Variants in ANKRD10 observed in about 807,000 individuals in gnomAD.
The protein encoded by ANKRD10 is ankyrin repeat domain-containing protein 10.
ANKRD10 carries 14 observed loss-of-function variants against 27.0 expected under a neutral mutation model. The observed-to-expected ratio is 0.52, with a 90% confidence interval of 0.34 to 0.81. The LOEUF is 0.81. ANKRD10 is among the 40% of genes least tolerant of loss of function. ANKRD10 has a pLI of 0.01. For missense variants in ANKRD10, 493 were observed against 544.0 expected (o/e 0.91, Z 0.93); for synonymous variants, 250 against 224.5 (o/e 1.11, Z -1.01).
intron 2 of ANKRD10, among the ~76,000 whole-genome samples, chr13:110,909,054 GCCTCACTC>G (rs2065619018): frequency 6.6e-6 from 1 of 152,140 alleles, no homozygotes; most frequent in African/African-American, 2.4e-5. Context: ...CACACTTTCT[GCCTCACTC>G]CCTTTATCTA....
intron 4 of ANKRD10, among the ~76,000 whole-genome samples, chr13:110,889,297 T>A (rs975851835): frequency 2.6e-5 from 4 of 150,946 alleles, no homozygotes; most frequent in African/African-American, 4.9e-5. Flanking sequence ...AGACTGATAC[T>A]TCCTTGCACC....
intron 4 of ANKRD10, among the ~76,000 whole-genome samples, chr13:110,892,416 CAAAAAAA>C (rs71127979): frequency 5.1e-5 from 1 of 19,550 alleles, no homozygotes; most frequent in South Asian, 3.7e-3. Context: ...GGTGACAGAG[CAAAAAAA>C]AAAAAAAAAA....
chr13:110,891,539 A>C (rs974963333), intron 4 of ANKRD10, among the ~76,000 whole-genome samples: 1 of 152,254 alleles, frequency 6.6e-6, no homozygotes, highest in African/African-American at 2.4e-5. Flanking sequence ...GACAAGATAT[A>C]GTTGTGAAGT....
chr13:110,913,996 G>T (rs1594654950), intron 1 of ANKRD10, among the ~76,000 whole-genome samples: 2 of 152,198 alleles, frequency 1.3e-5, no homozygotes, highest in Admixed American at 6.5e-5. Context: ...CACGGGAAGA[G>T]AATTCTGCTT....
At chr13:110,887,145 G>C (rs372267881) in intron 4 of ANKRD10, among the ~76,000 whole-genome samples, 80 of 152,330 alleles carry the variant, frequency 5.3e-4, no homozygotes, top group Admixed American at 1.5e-3. Context: ...GGGACACACA[G>C]AGATGCTCCA....
At chr13:110,884,197 A>T (rs1594535568) in intron 4 of ANKRD10, among the ~76,000 whole-genome samples, 1 of 147,126 alleles carries the variant, frequency 6.8e-6, no homozygotes, top group Admixed American at 6.9e-5. Flanking sequence ...TTTTTAAAAA[A>T]ATCCACTATT....
intron 2 of ANKRD10, among the ~76,000 whole-genome samples, chr13:110,906,582 G>A (rs950188821): frequency 6.6e-6 from 1 of 152,138 alleles, no homozygotes; most frequent in African/African-American, 2.4e-5. Flanking sequence ...GCTAACCCGA[G>A]TCAACATCAT....
chr13:110,879,836 C>T lies in ANKRD10; in HGVS notation c.1064G>A (p.Ser355Asn). ...CGSLHLNGSP[S>N]SCIASRPSWV... ...GGAAGGCCTACTGGCTATGCAGCTA[C>T]TTGGACTCCCGTTCAGGTGCAGAGA... The change falls in exon 6 of 6, where the codon AGT becomes AAT. Residue 355 changes from serine to asparagine, a missense_variant. By Grantham distance (46) the Ser-to-Asn change is conservative. Transcript: ENST00000267339. 2 of 1,614,236 alleles carry T rather than the reference C, an allele frequency of 1.2e-6. No individual in the cohort carries two copies. Among genetic ancestry groups the T allele is most frequent in the Non-Finnish European group, 1.7e-6 (2 of 1,180,050 alleles).
At chr13:110,894,070 A>G (rs755447716) in intron 3 of ANKRD10, 2 of 1,412,686 alleles carry the variant, frequency 1.4e-6, no homozygotes, top group Admixed American at 3.4e-5. Context: ...AGAGTAAGTG[A>G]AAGAGCTGAA....
chr13:110,881,080 C>A (rs556618053), intron 5 of ANKRD10, among the ~76,000 whole-genome samples: 1 of 152,292 alleles, frequency 6.6e-6, no homozygotes, highest in South Asian at 2.1e-4. Flanking sequence ...ACAAGTTATT[C>A]TTCTGTATAC....
Position 110,879,447 on chromosome 13 carries a change from T to C in ANKRD10, c.*190A>G, listed in dbSNP as rs552603654. 11 of 593,636 alleles carry C rather than the reference T, an allele frequency of 1.9e-5. No homozygotes were observed. Among genetic ancestry groups the C allele is most frequent in the African/African-American group, 1.3e-4 (7 of 53,976 alleles). 36.8% of individuals were successfully genotyped at this position (593,636 alleles called of 1,614,324 possible). A position where few individuals can be genotyped will look rare whatever the true frequency, so the allele number is the denominator to read the frequency against. On this transcript the variant is annotated 3_prime_UTR_variant, in exon 6 of 6. Coordinates refer to ENST00000267339, the MANE Select transcript of ANKRD10 (RefSeq NM_017664.4). The stretch of plus-strand genomic sequence containing the variant: ...GGACACCTCACTGTAGAAACATCTA[T>C]GCACTTAGTAAGCCCTACTCATGCA...
intron 2 of ANKRD10, among the ~76,000 whole-genome samples, chr13:110,907,647 C>T (rs1356062358): frequency 6.6e-6 from 1 of 152,132 alleles, no homozygotes; most frequent in Admixed American, 6.5e-5. Flanking sequence ...AAGTTCTAAA[C>T]AGAAAAATCC....
At chr13:110,910,971 G>A (rs1248983615) in intron 1 of ANKRD10, among the ~76,000 whole-genome samples, 3 of 152,042 alleles carry the variant, frequency 2.0e-5, no homozygotes, top group African/African-American at 7.3e-5. Flanking sequence ...TGAAAAAGAC[G>A]GTAGATAGAA....
intron 4 of ANKRD10, among the ~76,000 whole-genome samples, chr13:110,890,441 C>A (rs187636529): frequency 5.3e-5 from 8 of 152,188 alleles, no homozygotes; most frequent in Non-Finnish European, 1.0e-4. Context: ...TATGCTCACA[C>A]AGACACAAAA....
chr13:110,888,635 A>G (rs1287095046), intron 4 of ANKRD10, among the ~76,000 whole-genome samples: 3 of 152,188 alleles, frequency 2.0e-5, no homozygotes, highest in African/African-American at 7.2e-5. Context: ...CCAGCTGGTC[A>G]TATCTGCCCT....
intron 5 of ANKRD10, 183 bp downstream of exon 5, chr13:110,883,515 C>T (rs1159604606): frequency 7.5e-7 from 1 of 1,333,256 alleles, no homozygotes; most frequent in South Asian, 2.3e-5. Context: ...AAGTGCAAAA[C>T]ATCTGAGAAA....
intron 1 of ANKRD10, 158 bp downstream of exon 1, chr13:110,914,567 C>G (rs973246056): frequency 5.6e-6 from 6 of 1,071,472 alleles, no homozygotes; most frequent in Non-Finnish European, 7.2e-6. Context: ...CGAGCGCTGC[C>G]GCACAGGCGC....
At chr13:110,886,817 CCTAT>C (rs1277637500) in intron 4 of ANKRD10, among the ~76,000 whole-genome samples, 1 of 152,206 alleles carries the variant, frequency 6.6e-6, no homozygotes, top group African/African-American at 2.4e-5. Flanking sequence ...ACTATACTTT[CCTAT>C]CTTAATATTG....
chr13:110,909,922 CAATT>C (rs1344840417), intron 2 of ANKRD10, among the ~76,000 whole-genome samples: 3 of 152,202 alleles, frequency 2.0e-5, no homozygotes, highest in Admixed American at 6.5e-5. Flanking sequence ...TGAAAATTAT[CAATT>C]AGTCTAAGGA....
Sources: allele counts gnomAD v4.1 joint callset (sites outside exome capture counted in the v4.1 genomes callset), GRCh38; gene constraint gnomAD v4.1.1; transcripts MANE v1.5; gene names NCBI Gene and HGNC (gene_info 2026-07-23, HGNC 2026-07-21).